TMEM74: variants seen among roughly 807,000 people sequenced by gnomAD.
TMEM74 encodes the protein transmembrane protein 74.
In TMEM74, 13 loss-of-function variants were observed where a neutral mutation model predicts 18.1. That is an observed-to-expected ratio of 0.72 (90% confidence interval 0.47 to 1.14). The LOEUF (loss-of-function observed/expected upper bound fraction) is 1.14, where lower values mean the gene tolerates loss of function less well. Ranked by LOEUF, TMEM74 falls within the 50% of genes most tolerant of loss-of-function variation. TMEM74 has a pLI of 0.00. For synonymous variants in TMEM74, 159 were observed against 146.6 expected (o/e 1.08, Z -0.61); for missense variants, 372 against 375.9 (o/e 0.99, Z 0.09).
chr8:108,756,458 C>T (rs1340037555), intron 1 of TMEM74, among the ~76,000 whole-genome samples: 2 of 150,566 alleles, frequency 1.3e-5, no homozygotes, highest in South Asian at 4.2e-4. Context: ...TCAATTTTAG[C>T]TCACCTTAGG....
At chr8:108,688,024 T>A (rs1004616849) in intron 1 of TMEM74, among the ~76,000 whole-genome samples, 1 of 152,090 alleles carries the variant, frequency 6.6e-6, no homozygotes, top group Non-Finnish European at 1.5e-5. Flanking sequence ...TTCAAGAAAA[T>A]ATAAATGACT....
intron 1 of TMEM74, among the ~76,000 whole-genome samples, chr8:108,730,552 C>A (rs916502875): frequency 6.6e-6 from 1 of 151,612 alleles, no homozygotes; most frequent in Non-Finnish European, 1.5e-5. Context: ...TTAAATTACT[C>A]ATTTATATAT....
intron 1 of TMEM74, among the ~76,000 whole-genome samples, chr8:108,700,322 A>G (rs1813323023): frequency 6.6e-6 from 1 of 152,112 alleles, no homozygotes; most frequent in Admixed American, 6.6e-5. Flanking sequence ...GCTATTCTAC[A>G]CTTACAGAAA....
chr8:108,783,109 T>A lies in TMEM74; in HGVS notation c.*1072A>T, dbSNP rs561675378. Among the ~76,000 whole-genome samples, 3 of 152,038 alleles carry A rather than the reference T, an allele frequency of 2.0e-5. No individual in the cohort carries two copies. In the East Asian group the frequency reaches 5.8e-4, roughly 29 times the overall value. On this transcript the variant is annotated 3_prime_UTR_variant, in exon 2 of 2. Coordinates refer to ENST00000297459, the MANE Select transcript of TMEM74 (RefSeq NM_153015.3). ...TATTGAATCTCTCTTTCCATTTTAT[T>A]TTTTTTTGGCTTTGGGCTTAAGGAC... is the stretch of plus-strand genomic sequence containing the variant.
chr8:108,720,581 T>G (rs1293942893), intron 1 of TMEM74, among the ~76,000 whole-genome samples: 1 of 152,140 alleles, frequency 6.6e-6, no homozygotes, highest in South Asian at 2.1e-4. Context: ...TCAAACAAAT[T>G]AGGTAGTCTA....
At chr8:108,644,045 G>A (rs1812692083) in intron 2 of TMEM74, among the ~76,000 whole-genome samples, 1 of 152,028 alleles carries the variant, frequency 6.6e-6, no homozygotes, top group African/African-American at 2.4e-5. Context: ...AGTAGACAAA[G>A]CAATCTCAAG....
intron 1 of TMEM74, among the ~76,000 whole-genome samples, chr8:108,696,410 G>C (rs939059568): frequency 1.3e-5 from 2 of 152,210 alleles, no homozygotes; most frequent in African/African-American, 2.4e-5. Context: ...CAAAGCACTT[G>C]GTCTGCATGT....
chr8:108,667,795 AC>A (rs552767095), intron 1 of TMEM74, among the ~76,000 whole-genome samples: 120 of 152,138 alleles, frequency 7.9e-4, no homozygotes, highest in African/African-American at 2.7e-3. Flanking sequence ...CTGCCTACCT[AC>A]ACCCTCCCAG....
At chr8:108,697,984 T>C (rs775261118) in intron 1 of TMEM74, among the ~76,000 whole-genome samples, 31 of 152,200 alleles carry the variant, frequency 2.0e-4, no homozygotes, top group Non-Finnish European at 3.8e-4. Flanking sequence ...CCTGAGTGCC[T>C]GCCCTGAGTG....
At chr8:108,649,674 AG>A (rs1812753642) in intron 2 of TMEM74, among the ~76,000 whole-genome samples, 1 of 152,178 alleles carries the variant, frequency 6.6e-6, no homozygotes, top group Non-Finnish European at 1.5e-5. Context: ...CAGTAGCACC[AG>A]GTATCTAACC....
intron 2 of TMEM74, among the ~76,000 whole-genome samples, chr8:108,633,221 A>G (rs570427088): frequency 1.4e-4 from 21 of 152,036 alleles, no homozygotes; most frequent in Admixed American, 4.6e-4. Context: ...CCAAGAAACA[A>G]TAGGATTTTA....
At chr8:108,671,153 G>T (rs1813001505) in intron 1 of TMEM74, among the ~76,000 whole-genome samples, 2 of 152,174 alleles carry the variant, frequency 1.3e-5, no homozygotes, top group South Asian at 4.1e-4. Flanking sequence ...TATAGGTAGG[G>T]ACTGGTGATG....
At chr8:108,639,836 G>C (rs1586243362) in intron 2 of TMEM74, among the ~76,000 whole-genome samples, 1 of 152,242 alleles carries the variant, frequency 6.6e-6, no homozygotes, top group East Asian at 1.9e-4. Flanking sequence ...ATTGTCTTCA[G>C]CAGAGAACCA....
chr8:108,703,938 C>T (rs1813363644), intron 1 of TMEM74, among the ~76,000 whole-genome samples: 1 of 152,186 alleles, frequency 6.6e-6, no homozygotes, highest in Non-Finnish European at 1.5e-5. Context: ...GCTTTGAAGG[C>T]TAGCAGAAGT....
chr8:108,696,293 TGG>T (rs1813280831), intron 1 of TMEM74, among the ~76,000 whole-genome samples: 1 of 152,326 alleles, frequency 6.6e-6, no homozygotes, highest in Admixed American at 6.5e-5. Flanking sequence ...GAATACCTAA[TGG>T]AAGAGGTAAT....
chr8:108,696,504 T>C (rs967670195), intron 1 of TMEM74, among the ~76,000 whole-genome samples: 6 of 152,236 alleles, frequency 3.9e-5, no homozygotes, highest in African/African-American at 1.4e-4. Context: ...GGTGTGCAAA[T>C]AGCGGTAGCA....
chr8:108,751,355 T>C (rs1813903008), intron 1 of TMEM74, among the ~76,000 whole-genome samples: 1 of 152,138 alleles, frequency 6.6e-6, no homozygotes, highest in Non-Finnish European at 1.5e-5. Context: ...TAGCTATAAA[T>C]ACACTTTGTA....
chr8:108,718,749 T>G (rs924570899), intron 1 of TMEM74, among the ~76,000 whole-genome samples: 2 of 152,198 alleles, frequency 1.3e-5, no homozygotes, highest in Admixed American at 6.5e-5. Flanking sequence ...TAAAACAACA[T>G]TGAGGCAATC....
intron 2 of TMEM74, among the ~76,000 whole-genome samples, chr8:108,646,019 A>G (rs1812713604): frequency 6.6e-6 from 1 of 152,100 alleles, no homozygotes; most frequent in Non-Finnish European, 1.5e-5. Flanking sequence ...TGAGACAATT[A>G]TAAAATTATT....
Sources: allele counts gnomAD v4.1 joint callset (sites outside exome capture counted in the v4.1 genomes callset), GRCh38; gene constraint gnomAD v4.1.1; transcripts MANE v1.5; gene names NCBI Gene and HGNC (gene_info 2026-07-23, HGNC 2026-07-21).